COL5A2: variants seen among roughly 807,000 people sequenced by gnomAD.
COL5A2 encodes collagen alpha-2(V) chain.
In COL5A2, 23 loss-of-function variants were observed where a neutral mutation model predicts 208.2. That is an observed-to-expected ratio of 0.11 (90% confidence interval 0.08 to 0.16). The LOEUF is 0.16. Ranked by LOEUF, COL5A2 falls within the 10% of genes least tolerant of loss-of-function variation. COL5A2 has a pLI of 1.00. For synonymous variants in COL5A2, 625 were observed against 628.5 expected (o/e 0.99, Z 0.08); for missense variants, 1,590 against 1,956.4 (o/e 0.81, Z 3.53).
the COL5A2 span, among the ~76,000 whole-genome samples, chr2:189,416,920 A>G: frequency 6.6e-6 from 1 of 152,124 alleles, no homozygotes; most frequent in East Asian, 1.9e-4. Context: ...AGCTTTTTAA[A>G]TTATTAGACA....
intron 1 of COL5A2, among the ~76,000 whole-genome samples, chr2:189,155,138 C>T (rs532611874): frequency 1.3e-5 from 2 of 151,954 alleles, no homozygotes; most frequent in African/African-American, 4.8e-5. Context: ...TGCCACCAAA[C>T]CTAGTTAACT....
the COL5A2 span, among the ~76,000 whole-genome samples, chr2:189,429,401 T>C: frequency 6.6e-6 from 1 of 152,220 alleles, no homozygotes; most frequent in African/African-American, 2.4e-5. Context: ...TCTAATTACC[T>C]GTGTCTTGGA....
the COL5A2 span, among the ~76,000 whole-genome samples, chr2:189,246,021 T>C: frequency 6.6e-6 from 1 of 152,222 alleles, no homozygotes; most frequent in East Asian, 1.9e-4. Context: ...GTTGACATTG[T>C]CAATTTTACT....
chr2:189,052,597 CTGAGT>C, intron 40 of COL5A2, 147 bp downstream of exon 40: 4 of 820,546 alleles, frequency 4.9e-6, no homozygotes, highest in Non-Finnish European at 8.0e-6. Context: ...AAATCTCCAT[CTGAGT>C]TAAGTGCCCT....
intron 44 of COL5A2, 66 bp downstream of exon 44, chr2:189,049,281 A>G: frequency 8.8e-7 from 1 of 1,130,010 alleles, no homozygotes; most frequent in Non-Finnish European, 1.3e-6. Flanking sequence ...TCAATTGCTA[A>G]ATGAAAAAAA....
intron 1 of COL5A2, among the ~76,000 whole-genome samples, chr2:189,112,503 T>C (rs1687304456): frequency 6.6e-6 from 1 of 152,166 alleles, no homozygotes; most frequent in South Asian, 2.1e-4. Flanking sequence ...CACTGTCCTG[T>C]GGAATATTTT....
chr2:189,146,340 A>C (rs561883255), intron 1 of COL5A2, among the ~76,000 whole-genome samples: 2 of 152,258 alleles, frequency 1.3e-5, no homozygotes, highest in African/African-American at 4.8e-5. Flanking sequence ...AGTGTATAAC[A>C]AGAAAGAAAG....
the COL5A2 span, among the ~76,000 whole-genome samples, chr2:189,236,907 A>C: frequency 6.6e-6 from 1 of 151,828 alleles, no homozygotes; most frequent in African/African-American, 2.4e-5. Context: ...TATAGTTAGC[A>C]ATTTGTGTAT....
At chr2:189,169,077 G>C (rs142724663) in intron 1 of COL5A2, among the ~76,000 whole-genome samples, 24 of 152,300 alleles carry the variant, frequency 1.6e-4, no homozygotes, top group Non-Finnish European at 3.1e-4. Flanking sequence ...TACTGTATCC[G>C]AATAGTCCTG....
At chr2:189,158,701 T>C (rs539124915) in intron 1 of COL5A2, among the ~76,000 whole-genome samples, 9 of 152,212 alleles carry the variant, frequency 5.9e-5, no homozygotes, top group Non-Finnish European at 1.0e-4. Context: ...TCTAAGAGTA[T>C]CTCTGATACC....
At chr2:189,053,727 T>C (rs374656903) in intron 37 of COL5A2, among the ~76,000 whole-genome samples, 168 bp downstream of exon 37, 3 of 152,200 alleles carry the variant, frequency 2.0e-5, no homozygotes, top group East Asian at 1.9e-4. Context: ...TAATAGATTG[T>C]ATAGCAGATA....
chr2:189,372,670 C>A, the COL5A2 span, among the ~76,000 whole-genome samples: 1 of 152,020 alleles, frequency 6.6e-6, no homozygotes, highest in Non-Finnish European at 1.5e-5. Context: ...TAATTTTAAG[C>A]CCTTATGTAT....
chr2:189,395,345 A>G, the COL5A2 span, among the ~76,000 whole-genome samples: 2 of 152,194 alleles, frequency 1.3e-5, no homozygotes, highest in African/African-American at 4.8e-5. Context: ...ATGTTCATCA[A>G]TTAGTAGTTT....
chr2:189,064,685 A>G (rs377201401), intron 24 of COL5A2, 30 bp from the exon 25 acceptor site: 1 of 1,445,590 alleles, frequency 6.9e-7, no homozygotes, highest in Non-Finnish European at 9.7e-7. Flanking sequence ...ATGCATGAAG[A>G]AAAAGAGTAT....
At chr2:189,432,522 G>A in the COL5A2 span, among the ~76,000 whole-genome samples, 13 of 152,082 alleles carry the variant, frequency 8.5e-5, no homozygotes, top group Non-Finnish European at 5.9e-5. Context: ...AAAAGCAGGG[G>A]TTGCAATCCT....
Position 189,052,742 on chromosome 2 carries a change from A to C in COL5A2, c.2715+7T>G. 6.2e-7 allele frequency: 1 copy of C among 1,613,976 alleles called. No individual in the cohort carries two copies. The highest frequency in any genetic ancestry group is 8.5e-7 in the Non-Finnish European group (1 of 1,179,848). On this transcript the variant is annotated splice_region_variant and intron_variant, in intron 40 of 53. Transcript: ENST00000374866. ...TGCATACTTTGCAGAGCATCAAATA[A>C]ACTTACAGGCGGACCTTGGGTTCCT...
the COL5A2 span, among the ~76,000 whole-genome samples, chr2:189,324,377 C>A: frequency 6.6e-6 from 1 of 152,126 alleles, no homozygotes; most frequent in African/African-American, 2.4e-5. Flanking sequence ...AGTGAACAGG[C>A]AACCTACAGA....
chr2:189,155,728 C>T (rs1333868662), intron 1 of COL5A2, among the ~76,000 whole-genome samples: 1 of 151,862 alleles, frequency 6.6e-6, no homozygotes, highest in Non-Finnish European at 1.5e-5. Flanking sequence ...TAGTTTCTGT[C>T]ATAATAAACT....
At chr2:189,133,452 T>C (rs1379724834) in intron 1 of COL5A2, among the ~76,000 whole-genome samples, 1 of 152,056 alleles carries the variant, frequency 6.6e-6, no homozygotes, top group African/African-American at 2.4e-5. Flanking sequence ...AAAGAACTTC[T>C]TGTGGAATAC....
Sources: gnomAD v4.1 joint callset for allele counts (sites outside exome capture counted in the v4.1 genomes callset) on GRCh38, gnomAD v4.1.1 for gene constraint, MANE v1.5 for transcripts, NCBI Gene and HGNC (gene_info 2026-07-23, HGNC 2026-07-21) for gene names.